The following RPL22L1 variants were observed in gnomAD, a reference collection of about 807,000 sequenced individuals.
RPL22L1 encodes the protein ribosomal protein L22 like 1.
Under a neutral mutation model 17.3 loss-of-function variants are expected in RPL22L1, and 19 were observed. That is an observed-to-expected ratio of 1.10 (90% CI 0.77 to 1.61). RPL22L1 has a LOEUF of 1.61. Among genes scored for constraint, RPL22L1 ranks in the 40% most tolerant of loss-of-function variants. The pLI is 0.00. For synonymous variants in RPL22L1, 48 were observed against 48.5 expected (o/e 0.99, Z 0.05); for missense variants, 139 against 144.4 (o/e 0.96, Z 0.19).
Position 170,865,142 on chromosome 3 carries a change from C to T in RPL22L1, c.*1238G>A, listed in dbSNP as rs1314868043. 1 of 152,200 alleles carries T rather than the reference C, an allele frequency of 6.6e-6. No homozygotes were observed. The highest frequency in any genetic ancestry group is 1.5e-5 in the Non-Finnish European group (1 of 68,038). The allele number at this position is 152,200 out of a possible 1,614,324, so 9.4% of individuals were successfully genotyped here. ...TCATCCAAGAATCAAGGAGTTGCTG[C>T]ACTGAGGTATTGCACGATGATGGGG... On this transcript the variant is annotated 3_prime_UTR_variant, in exon 4 of 4. Transcript: ENST00000295830.
In RPL22L1 at chr3:170,865,166, G is replaced by A. The variant is rs1260372229; in HGVS notation, c.*1214C>T. 6.6e-6 allele frequency: 1 copy of A among 152,084 alleles called. No homozygotes were observed. Among genetic ancestry groups the A allele is most frequent in the East Asian group, 1.9e-4 (1 of 5,194 alleles). The allele number at this position is 152,084 out of a possible 1,614,324, so 9.4% of individuals were successfully genotyped here. ...GCACTGAGGTATTGCACGATGATGG[G>A]GGCACTTAAATTTTTAGGAAAACGA... On this transcript the variant is annotated 3_prime_UTR_variant, in exon 4 of 4. Coordinates refer to ENST00000295830, the MANE Select transcript of RPL22L1 (RefSeq NM_001099645.2).
rs1711751699 is a variant in RPL22L1 at position 170,866,145 on chromosome 3, A to C, written c.*235T>G. Reference sequence around the variant, plus strand: ...CGCTACTTTTACCTGAGTACATAAAAGATTTTGGAAATCGTGGGAAAAAAT... The same window carrying C: ...CGCTACTTTTACCTGAGTACATAAACGATTTTGGAAATCGTGGGAAAAAAT... On this transcript the variant is annotated 3_prime_UTR_variant, in exon 4 of 4. Transcript: ENST00000295830. The C allele has an allele frequency of 6.1e-6, 2 of 330,146 alleles. No homozygotes were observed. The highest frequency in any genetic ancestry group is 1.1e-5 in the Non-Finnish European group (2 of 183,038). 20.5% of individuals were successfully genotyped at this position (330,146 alleles called of 1,614,324 possible).
At chr3:170,867,024 G>T (rs1711795064) in intron 3 of RPL22L1, among the ~76,000 whole-genome samples, 3 of 152,114 alleles carry the variant, frequency 2.0e-5, no homozygotes, top group Admixed American at 6.5e-5. Flanking sequence ...CTGATTATCT[G>T]TAAGATACTT....
chr3:170,867,871 A>G, intron 3 of RPL22L1, 142 bp downstream of exon 3: 1 of 694,252 alleles, frequency 1.4e-6, no homozygotes, highest in Non-Finnish European at 2.4e-6. Context: ...GCACTCATTT[A>G]CTGAATTTCC....
rs1239044448 is a variant in RPL22L1, at chr3:170,866,524, C to T, written c.225G>A (p.Arg75=). 1 of 1,533,140 alleles carries T rather than the reference C, an allele frequency of 6.5e-7. No homozygotes were observed. The highest frequency in any genetic ancestry group is 2.5e-5 in the East Asian group (1 of 40,736). 95.0% of individuals were successfully genotyped at this position (1,533,140 alleles called of 1,614,324 possible). The change falls in exon 4 of 4, where the codon AGG becomes AGA. Residue 75 remains arginine (R), a splice_region_variant and synonymous_variant. Transcript: ENST00000295830. ...ATTTCTTGGTAAGGTATTTCAAATA[C>T]CTTTTAAAATAAAAACATAAATTTC... ...TVVSEKQFSK[R]YLKYLTKKYL...
intron 1 of RPL22L1, 189 bp downstream of exon 1, chr3:170,869,970 G>A (rs1378175804): frequency 2.3e-6 from 2 of 864,322 alleles, no homozygotes; most frequent in South Asian, 2.9e-5. Context: ...TAGACCTCAT[G>A]GCAGCTGCCA....
chr3:170,870,106 C>A, intron 1 of RPL22L1, 53 bp downstream of exon 1: 1 of 1,613,440 alleles, frequency 6.2e-7, no homozygotes, highest in Non-Finnish European at 8.5e-7. Context: ...ATCGTTACAG[C>A]GGAAATCATT....
At position 170,869,455 on chromosome 3, in the gene RPL22L1, G is replaced by A. The variant is rs866261175; in HGVS notation, c.9+704C>T. Among the ~76,000 whole-genome samples, 5 of 152,152 alleles carry A rather than the reference G, an allele frequency of 3.3e-5. No homozygotes were observed. In the South Asian group the frequency reaches 1.0e-3, roughly 31 times the overall value. On this transcript the variant is annotated intron_variant, in intron 1 of 3. Coordinates refer to ENST00000295830, the MANE Select transcript of RPL22L1 (RefSeq NM_001099645.2). ...GAACAGATAACCCTATAGGGTTTAT[G>A]GCCATGCTGGGCATTACCCAGTTTT...
Position 170,868,062 on chromosome 3 carries a change from G to A in RPL22L1, c.175C>T (p.Arg59Cys), listed in dbSNP as rs1355570092. The change falls in exon 3 of 4, where the codon CGC becomes TGC. Residue 59 changes from arginine (R) to cysteine (C), a missense_variant. Coordinates refer to ENST00000295830, the MANE Select transcript of RPL22L1 (RefSeq NM_001099645.2). ...ACAACTGTGATTTTATTCTTGAAGC[G>A]TTCAATGTGAACAACATTCCCGAGA... ...GNLGNVVHIE[R>C]FKNKITVVSE... 3.7e-6 allele frequency: 6 copies of A among 1,604,680 alleles called. No homozygotes were observed. The highest frequency in any genetic ancestry group is 3.4e-5 in the Admixed American group (2 of 58,836).
At chr3:170,867,042 A>G (rs1283949529) in intron 3 of RPL22L1, among the ~76,000 whole-genome samples, 2 of 151,954 alleles carry the variant, frequency 1.3e-5, no homozygotes, top group African/African-American at 2.4e-5. Context: ...CTTGATTTAC[A>G]GCTACTACAG....
At chr3:170,868,211 G>T in intron 2 of RPL22L1, 77 bp from the exon 3 acceptor site, 1 of 1,498,506 alleles carries the variant, frequency 6.7e-7, no homozygotes, top group African/African-American at 1.4e-5. Flanking sequence ...CCTAGGAATA[G>T]AGCTTAGGTT....
At chr3:170,867,225 A>C (rs1359450148) in intron 3 of RPL22L1, among the ~76,000 whole-genome samples, 1 of 152,110 alleles carries the variant, frequency 6.6e-6, no homozygotes, top group Non-Finnish European at 1.5e-5. Context: ...ATTGCTTCCC[A>C]TTACACATCC....
chr3:170,869,356 A>C (rs1711898546), intron 1 of RPL22L1, among the ~76,000 whole-genome samples: 1 of 152,362 alleles, frequency 6.6e-6, no homozygotes, highest in East Asian at 1.9e-4. Flanking sequence ...GTAGCATGGT[A>C]ACATGTGCCA....
intron 3 of RPL22L1, among the ~76,000 whole-genome samples, chr3:170,867,290 A>G (rs1309374163): frequency 6.6e-6 from 1 of 152,190 alleles, no homozygotes; most frequent in Admixed American, 6.5e-5. Flanking sequence ...CATTCCTCCC[A>G]GAACACTATA....
rs908688493 is a variant in RPL22L1 at position 170,865,125 on chromosome 3, G to C, written c.*1255C>G. The C allele has an allele frequency of 6.6e-6, 1 of 152,214 alleles. No homozygotes were observed. Among genetic ancestry groups the C allele is most frequent in the African/African-American group, 2.4e-5 (1 of 41,452 alleles). The allele number at this position is 152,214 out of a possible 1,614,324, so 9.4% of individuals were successfully genotyped here. ...CAAGTTAGGAAGTTCAGTCATCCAA[G>C]AATCAAGGAGTTGCTGCACTGAGGT... On this transcript the variant is annotated 3_prime_UTR_variant, in exon 4 of 4. Transcript: ENST00000295830.
At chr3:170,869,900 T>C (rs1193245314) in intron 1 of RPL22L1, 3 of 641,258 alleles carry the variant, frequency 4.7e-6, no homozygotes, top group Non-Finnish European at 5.8e-6. Flanking sequence ...TGCCTCCCTC[T>C]TTCCCGCGTG....
chr3:170,867,384 T>C (rs1306435780), intron 3 of RPL22L1, among the ~76,000 whole-genome samples: 1 of 152,200 alleles, frequency 6.6e-6, no homozygotes, highest in Non-Finnish European at 1.5e-5. Flanking sequence ...CAAGGCTCAC[T>C]TCTGCATTTC....
intron 1 of RPL22L1, among the ~76,000 whole-genome samples, chr3:170,868,803 TAA>T (rs550401844): frequency 2.0e-4 from 24 of 117,714 alleles, no homozygotes; most frequent in Non-Finnish European, 2.9e-4. Context: ...GGGACTTTGG[TAA>T]AAAAAAAAAA....
In RPL22L1 at chr3:170,870,169, T is replaced by C. The variant is rs1484858485; in HGVS notation, c.-2A>G. 12 of 1,613,882 alleles carry C rather than the reference T, an allele frequency of 7.4e-6. No homozygotes were observed. Among genetic ancestry groups the C allele is most frequent in the Non-Finnish European group, 1.0e-5 (12 of 1,179,850 alleles). The stretch of plus-strand genomic sequence containing the variant: ...ACATCGCTCACTCACCGGCGCCATC[T>C]TGCGAGTCGGCCGCGAGAGCAGAGA... On this transcript the variant is annotated 5_prime_UTR_variant, in exon 1 of 4. Transcript: ENST00000295830.
Sources: allele counts gnomAD v4.1 joint callset (sites outside exome capture counted in the v4.1 genomes callset), GRCh38; gene constraint gnomAD v4.1.1; transcripts MANE v1.5; gene names NCBI Gene and HGNC (gene_info 2026-07-23, HGNC 2026-07-21).